Variants in NR3C2 observed in about 807,000 individuals in gnomAD.
The protein encoded by NR3C2 is nuclear receptor subfamily 3 group C member 2.
In NR3C2, 15 loss-of-function variants were observed where a neutral mutation model predicts 86.4. The observed-to-expected ratio is 0.17, with a 90% CI of 0.12 to 0.27. The LOEUF (loss-of-function observed/expected upper bound fraction) is 0.27. Ranked by LOEUF, NR3C2 falls within the 10% of genes least tolerant of loss-of-function variation. The pLI is 1.00. For missense variants in NR3C2, 960 were observed against 1,195.6 expected, an observed-to-expected ratio of 0.80 and a Z score of 2.91; for synonymous variants, 458 against 450.5, an observed-to-expected ratio of 1.02 and a Z score of -0.21.
chr4:148,342,521 A>G (rs1396637736), intron 2 of NR3C2, among the ~76,000 whole-genome samples: 1 of 152,140 alleles, frequency 6.6e-6, no homozygotes, highest in Non-Finnish European at 1.5e-5. Context: ...AATTCTGAGT[A>G]TACACCTGTA....
chr4:148,343,940 TTTG>T (rs1331930439), intron 2 of NR3C2, among the ~76,000 whole-genome samples: 3 of 152,154 alleles, frequency 2.0e-5, no homozygotes, highest in African/African-American at 7.2e-5. Flanking sequence ...TGTATTACTG[TTTG>T]TTGACTCTCG....
intron 6 of NR3C2, among the ~76,000 whole-genome samples, chr4:148,132,190 G>A (rs985212123): frequency 5.3e-5 from 8 of 152,160 alleles, no homozygotes; most frequent in Admixed American, 5.2e-4. Context: ...AAAATTGGGG[G>A]TATCTGTGAT....
At chr4:148,437,624 A>C (rs1289365959) in intron 1 of NR3C2, among the ~76,000 whole-genome samples, 1 of 152,160 alleles carries the variant, frequency 6.6e-6, no homozygotes, top group Admixed American at 6.5e-5. Context: ...TTTGACATGC[A>C]CCCTGACCTG....
chr4:148,301,782 T>C (rs1561028270), intron 2 of NR3C2, among the ~76,000 whole-genome samples: 2 of 152,152 alleles, frequency 1.3e-5, no homozygotes, highest in African/African-American at 4.8e-5. Context: ...AGTTTCAAAG[T>C]TGTCTTTCTT....
intron 2 of NR3C2, among the ~76,000 whole-genome samples, chr4:148,388,275 G>T (rs1388231578): frequency 6.6e-6 from 1 of 152,152 alleles, no homozygotes; most frequent in Non-Finnish European, 1.5e-5. Context: ...AAATGTTTTG[G>T]ATTTTACACT....
intron 8 of NR3C2, among the ~76,000 whole-genome samples, chr4:148,108,240 A>G (rs1483567200): frequency 6.6e-6 from 1 of 152,054 alleles, no homozygotes; most frequent in East Asian, 1.9e-4. Flanking sequence ...AGTAGCTGGT[A>G]CTACAGGCAC....
chr4:148,165,931 T>C (rs926816208), intron 4 of NR3C2, among the ~76,000 whole-genome samples: 7 of 152,202 alleles, frequency 4.6e-5, no homozygotes, highest in African/African-American at 1.7e-4. Context: ...AAGTACATAT[T>C]AATGAGTTAA....
chr4:148,169,509 T>C (rs1360524713), intron 4 of NR3C2, among the ~76,000 whole-genome samples: 1 of 151,026 alleles, frequency 6.6e-6, no homozygotes, highest in Non-Finnish European at 1.5e-5. Flanking sequence ...TGATTTTTTA[T>C]ATATATATAA....
chr4:148,126,800 C>A (rs1276853786), intron 6 of NR3C2, among the ~76,000 whole-genome samples: 2 of 152,198 alleles, frequency 1.3e-5, no homozygotes, highest in African/African-American at 2.4e-5. Flanking sequence ...ACCCGCCACC[C>A]ACCAGAGCTA....
At chr4:148,317,167 T>A (rs753305514) in intron 2 of NR3C2, among the ~76,000 whole-genome samples, 1 of 152,068 alleles carries the variant, frequency 6.6e-6, no homozygotes, top group Non-Finnish European at 1.5e-5. Flanking sequence ...ACACTAGAAG[T>A]TCAACCCATG....
Position 148,294,870 on chromosome 4 carries a change from C to A in NR3C2, c.1758-34753G>T, listed in dbSNP as rs541076068. 3.9e-5 allele frequency among the ~76,000 whole-genome samples: 6 copies of A among 152,148 alleles called. No homozygotes were observed. In the East Asian group the frequency reaches 1.2e-3, roughly 29 times the overall value. On this transcript the variant is annotated intron_variant, in intron 2 of 8. Transcript: ENST00000358102. Reference sequence around the variant, plus strand: ...GGGTGTGGTGGCACATGCTTGTTGTCCCAGCTACTAAAGAGGCTGAGACAG... The same window carrying A: ...GGGTGTGGTGGCACATGCTTGTTGTACCAGCTACTAAAGAGGCTGAGACAG...
chr4:148,290,542 C>A lies in NR3C2; in HGVS notation c.1758-30425G>T, dbSNP rs187422310. ...AACTAATATAATGTACCAGGTAAAACCGTTAATCACATTCACTTTCTGGGC... is the reference window on the plus strand; with the variant it reads ...AACTAATATAATGTACCAGGTAAAAACGTTAATCACATTCACTTTCTGGGC... On this transcript the variant is annotated intron_variant, in intron 2 of 8. Coordinates refer to ENST00000358102, the MANE Select transcript of NR3C2 (RefSeq NM_000901.5). 5.9e-5 allele frequency among the ~76,000 whole-genome samples: 9 copies of A among 152,292 alleles called. No homozygotes were observed. In the East Asian group the frequency reaches 7.7e-4, roughly 13 times the overall value.
At chr4:148,441,318 A>C (rs1020225994) in intron 1 of NR3C2, among the ~76,000 whole-genome samples, 9 of 152,242 alleles carry the variant, frequency 5.9e-5, no homozygotes, top group African/African-American at 2.2e-4. Context: ...TCACAGCAGG[A>C]CTTCACAGAT....
At chr4:148,184,226 G>C (rs769531171) in intron 4 of NR3C2, among the ~76,000 whole-genome samples, 2 of 151,830 alleles carry the variant, frequency 1.3e-5, no homozygotes, top group Non-Finnish European at 2.9e-5. Context: ...CAAGGTGGGC[G>C]GATCACAAGG....
At chr4:148,429,607 A>AT (rs1352835044) in intron 2 of NR3C2, among the ~76,000 whole-genome samples, 1 of 152,248 alleles carries the variant, frequency 6.6e-6, no homozygotes, top group Non-Finnish European at 1.5e-5. Flanking sequence ...ATGTAATTAC[A>AT]TTTTAACTTC....
At chr4:148,200,478 G>T (rs1477003002) in intron 3 of NR3C2, among the ~76,000 whole-genome samples, 3 of 151,866 alleles carry the variant, frequency 2.0e-5, no homozygotes, top group African/African-American at 7.3e-5. Flanking sequence ...ACATTCAACT[G>T]CTGGCAAAGA....
chr4:148,347,783 T>G (rs1293937442), intron 2 of NR3C2, among the ~76,000 whole-genome samples: 3 of 152,090 alleles, frequency 2.0e-5, no homozygotes, highest in Non-Finnish European at 4.4e-5. Flanking sequence ...CATTCCTTCA[T>G]AGTAATAATA....
intron 3 of NR3C2, among the ~76,000 whole-genome samples, chr4:148,212,265 G>T (rs1737319781): frequency 1.3e-5 from 2 of 152,244 alleles, no homozygotes; most frequent in African/African-American, 4.8e-5. Flanking sequence ...TCTTCTCTAT[G>T]TGAAGGTTGA....
At chr4:148,114,355 T>G in intron 7 of NR3C2, 94 bp from the exon 8 acceptor site, 1 of 1,342,066 alleles carries the variant, frequency 7.5e-7, no homozygotes, top group Non-Finnish European at 1.0e-6. Flanking sequence ...TGAGGTTAGA[T>G]ACTAAATCTC....
Sources: gnomAD v4.1 joint callset for allele counts (sites outside exome capture counted in the v4.1 genomes callset) on GRCh38, gnomAD v4.1.1 for gene constraint, MANE v1.5 for transcripts, NCBI Gene and HGNC (gene_info 2026-07-23, HGNC 2026-07-21) for gene names.